ZDHHC24: variants seen among roughly 807,000 people sequenced by gnomAD.
The protein encoded by ZDHHC24 is zDHHC palmitoyltransferase 24.
ZDHHC24 carries 17 observed loss-of-function variants against 23.2 expected under a neutral mutation model. That is an observed-to-expected ratio of 0.73 (90% confidence interval 0.50 to 1.10). ZDHHC24 has a LOEUF of 1.10. Among genes scored for constraint, ZDHHC24 ranks in the 50% least tolerant of loss-of-function variants. ZDHHC24 has a pLI of 0.00. For missense variants in ZDHHC24, 366 were observed against 393.0 expected (o/e 0.93, Z 0.58); for synonymous variants, 186 against 194.5 (o/e 0.96, Z 0.36).
At chr11:66,532,820 T>C (rs1341261871), downstream of ZDHHC24, 2 of 152,148 alleles carry the variant, frequency 1.3e-5, no homozygotes, top group Non-Finnish European at 2.9e-5. Flanking sequence ...GAAGGCAGAG[T>C]GTGACAGAGC....
At chr11:66,523,199 G>T in intron 4 of ZDHHC24, 1 of 611,354 alleles carries the variant, frequency 1.6e-6, no homozygotes. Flanking sequence ...CATAGTGAAG[G>T]TGGGCGGAAG....
In ZDHHC24 at chr11:66,543,707, T is replaced by C. The variant is rs1857218447; in HGVS notation, c.556A>G (p.Thr186Ala). ...AGAGGCCTCCCAGGCTCCCCACCTGTGAGCAACATGAGCCAGGGAAGCAGG... is the reference window on the plus strand; with the variant it reads ...AGAGGCCTCCCAGGCTCCCCACCTGCGAGCAACATGAGCCAGGGAAGCAGG... ...LLLLPWLMLL[T>A]GRVSLAQFAL... The change falls in exon 2 of 3, where the codon ACA becomes GCA. Residue 186 changes from threonine to alanine, a missense_variant. Coordinates refer to ENST00000310442, the MANE Select transcript of ZDHHC24 (RefSeq NM_207340.3). 6.3e-7 allele frequency: 1 copy of C among 1,580,726 alleles called. No individual in the cohort carries two copies. Among genetic ancestry groups the C allele is most frequent in the African/African-American group, 1.3e-5 (1 of 74,176 alleles).
chr11:66,525,740 T>C (rs748531804), intron 4 of ZDHHC24, among the ~76,000 whole-genome samples: 36 of 152,124 alleles, frequency 2.4e-4, no homozygotes, highest in Non-Finnish European at 4.7e-4. Flanking sequence ...TGGAGTCAAA[T>C]GTGGAAGGCC....
chr11:66,544,099 C>A, intron 1 of ZDHHC24, 118 bp from the exon 2 acceptor site: 3 of 1,347,292 alleles, frequency 2.2e-6, no homozygotes, highest in Non-Finnish European at 3.1e-6. Context: ...CCTGGCTAAG[C>A]CTCAATTTCT....
chr11:66,543,736 A>T lies in ZDHHC24; in HGVS notation c.527T>A (p.Leu176His). 2 of 1,599,404 alleles carry T rather than the reference A, an allele frequency of 1.3e-6. No homozygotes were observed. Among genetic ancestry groups the T allele is most frequent in the Non-Finnish European group, 1.7e-6 (2 of 1,173,174 alleles). ...RAHTPLHMAA[L>H]LLLPWLMLLT... The stretch of plus-strand genomic sequence containing the variant: ...CAACATGAGCCAGGGAAGCAGGAGG[A>T]GGGCAGCCATGTGGAGGGGCGTGTG... The change falls in exon 2 of 3, where the codon CTC becomes CAC. Residue 176 changes from leucine (L) to histidine (H), a missense_variant. Leu to His is a moderately conservative substitution (Grantham distance 99). Transcript: ENST00000310442.
At position 66,545,708 on chromosome 11, in the gene ZDHHC24, C is replaced by CCG. The variant is rs1857295613; in HGVS notation, c.281+13_281+14dup. The stretch of plus-strand genomic sequence containing the variant: ...GGCTCCCACTTCTCCCCGCCCGATC[C>CCG]CGCACCCCACTCACGCCCAGCCCTG... On this transcript the variant is annotated intron_variant, in intron 1 of 2. Coordinates refer to ENST00000310442, the MANE Select transcript of ZDHHC24 (RefSeq NM_207340.3). This position sits in a 1 kb window ranked among gnomAD's most constrained non-coding sequence, Gnocchi z 4.5. The CCG allele has an allele frequency of 1.3e-6, 2 of 1,521,708 alleles. No individual in the cohort carries two copies. The highest frequency in any genetic ancestry group is 5.1e-5 in the East Asian group (2 of 39,404). 94.3% of individuals were successfully genotyped at this position (1,521,708 alleles called of 1,614,324 possible).
intron 3 of ZDHHC24, chr11:66,529,222 G>C (rs1856655177): frequency 3.4e-6 from 5 of 1,489,090 alleles, no homozygotes; most frequent in Non-Finnish European, 4.5e-6. Context: ...AGGTGGCTTG[G>C]GGAAGAGTCA....
At chr11:66,531,607 AAC>A (rs1856783168), downstream of ZDHHC24, 1 of 1,613,044 alleles carries the variant, frequency 6.2e-7, no homozygotes, top group Non-Finnish European at 8.5e-7. Context: ...GAATATGCCA[AAC>A]ACTGGCACGA....
At chr11:66,531,580 C>A, downstream of ZDHHC24, 2 of 1,585,032 alleles carry the variant, frequency 1.3e-6, no homozygotes, top group Non-Finnish European at 1.7e-6. Context: ...GTGGAGACTG[C>A]GGGCCTGAAT....
chr11:66,539,910 C>T (rs916866224), intron 2 of ZDHHC24, 86 bp from the exon 3 acceptor site: 1 of 1,308,334 alleles, frequency 7.6e-7, no homozygotes, highest in Non-Finnish European at 1.0e-6. Context: ...CAAAGCAGGG[C>T]TCATTCCTCC....
chr11:66,524,064 G>A, intron 4 of ZDHHC24: 2 of 847,254 alleles, frequency 2.4e-6, no homozygotes, highest in Non-Finnish European at 3.8e-6. Flanking sequence ...CAGATCACCT[G>A]AGGTAAGGAG....
At chr11:66,522,003 G>A (rs532303218) in intron 4 of ZDHHC24, among the ~76,000 whole-genome samples, 183 of 150,854 alleles carry the variant, frequency 1.2e-3, no homozygotes, top group Admixed American at 2.9e-3. Flanking sequence ...GGATCATGAG[G>A]TCAGGAGATC....
At chr11:66,528,869 G>GATTAC (rs1856632182) in intron 3 of ZDHHC24, among the ~76,000 whole-genome samples, 1 of 150,424 alleles carries the variant, frequency 6.6e-6, no homozygotes. Context: ...TCGGGAGGCT[G>GATTAC]AGGCAGGAGA....
chr11:66,534,424 C>A (rs1245027917), downstream of ZDHHC24, among the ~76,000 whole-genome samples: 1 of 110,142 alleles, frequency 9.1e-6, no homozygotes, highest in Non-Finnish European at 1.7e-5. Context: ...CTAGCCTGGG[C>A]AAGAGCGAAA....
At position 66,537,562 on chromosome 11, in the gene ZDHHC24, A is replaced by G. The variant is rs575955832; in HGVS notation, c.*1967T>C. Reference sequence around the variant, plus strand: ...GAAAATGTCAGCCAGGCGGCCGGGCACGGTGGCTCACACCTGTAATCCCAG... The same window carrying G: ...GAAAATGTCAGCCAGGCGGCCGGGCGCGGTGGCTCACACCTGTAATCCCAG... On this transcript the variant is annotated 3_prime_UTR_variant, in exon 3 of 3. Coordinates refer to ENST00000310442, the MANE Select transcript of ZDHHC24 (RefSeq NM_207340.3). 424 of 151,216 alleles carry G rather than the reference A, an allele frequency of 2.8e-3. 3 individuals are homozygous for G. Among genetic ancestry groups the G allele is most frequent in the Middle Eastern group, 0.013 (4 of 298 alleles). The allele number at this position is 151,216 out of a possible 1,614,324, so 9.4% of individuals were successfully genotyped here. A position where few individuals can be genotyped will look rare whatever the true frequency, so the allele number is the denominator to read the frequency against.
downstream of ZDHHC24, chr11:66,533,430 C>T (rs1856861031): frequency 6.6e-6 from 1 of 152,152 alleles, no homozygotes. Flanking sequence ...TTAGACATTA[C>T]CTGTTGACTC....
intron 4 of ZDHHC24, among the ~76,000 whole-genome samples, chr11:66,524,739 C>T (rs2134801637): frequency 6.6e-6 from 1 of 152,290 alleles, no homozygotes; most frequent in African/African-American, 2.4e-5. Context: ...CAACCAGCAA[C>T]ATTTTTAAAA....
At chr11:66,526,058 C>G in intron 4 of ZDHHC24, 1 of 1,470,546 alleles carries the variant, frequency 6.8e-7, no homozygotes, top group Non-Finnish European at 9.5e-7. Flanking sequence ...CCTCCCCTAC[C>G]CATCCCCTGT....
chr11:66,534,644 TAA>T (rs895765411), downstream of ZDHHC24, among the ~76,000 whole-genome samples: 9 of 151,890 alleles, frequency 5.9e-5, no homozygotes, highest in African/African-American at 2.2e-4. Context: ...CCAAAAAAAA[TAA>T]AGTCATTAGA....
Sources: gnomAD v4.1 joint callset for allele counts (sites outside exome capture counted in the v4.1 genomes callset) on GRCh38, gnomAD v4.1.1 for gene constraint, Gnocchi (gnomAD v3.1) non-coding constraint, MANE v1.5 for transcripts, NCBI Gene and HGNC (gene_info 2026-07-23, HGNC 2026-07-21) for gene names.